The following RADIL variants were observed in gnomAD, a reference collection of about 807,000 sequenced individuals.
The protein encoded by RADIL is ras-associating and dilute domain-containing protein.
RADIL carries 99 observed loss-of-function variants against 97.6 expected under a neutral mutation model. The ratio of observed to expected loss-of-function variants is 1.01; its 90% CI spans 0.86 to 1.20. The LOEUF (loss-of-function observed/expected upper bound fraction) is 1.20, where lower values mean the gene tolerates loss of function less well. Among genes scored for constraint, RADIL ranks in the 50% most tolerant of loss-of-function variants. The pLI is 0.00. For synonymous variants in RADIL, 803 were observed against 691.8 expected (o/e 1.16, Z -2.52); for missense variants, 1,765 against 1,498.9 (o/e 1.18, Z -2.93).
At chr7:4,800,039 A>T (rs1782027378) in intron 13 of RADIL, 132 bp downstream of exon 13, 2 of 1,346,110 alleles carry the variant, frequency 1.5e-6, no homozygotes. Context: ...CCAGCTGCAG[A>T]GGCCAACCCC....
At position 4,799,407 on chromosome 7, in the gene RADIL, T is replaced by C. The variant is rs1238714573; in HGVS notation, c.3199A>G (p.Lys1067Glu). 4 of 1,613,574 alleles carry C rather than the reference T, an allele frequency of 2.5e-6. No individual in the cohort carries two copies. The African/African-American group carries it at 4.0e-5, about 16-fold the overall frequency. ...AGAGGGGGCGTGCGGAAATGGATCTTCTTGGCTGTTTCCACGTCGGACTTC... is the reference window on the plus strand; with the variant it reads ...AGAGGGGGCGTGCGGAAATGGATCTCCTTGGCTGTTTCCACGTCGGACTTC... ...VAKSDVETAK[K>E]IHFRTPPL Residue 1067 changes from lysine (K) to glutamate (E), a missense_variant, in exon 15 of 15, where the codon AAG becomes GAG. Transcript: ENST00000399583.
chr7:4,804,234 A>G (rs944944582), intron 10 of RADIL, among the ~76,000 whole-genome samples: 1 of 152,228 alleles, frequency 6.6e-6, no homozygotes, highest in African/African-American at 2.4e-5. Context: ...AGGCGGCGGA[A>G]GAGTGCGTGC....
rs187673549 is a variant in RADIL at position 4,877,110 on chromosome 7, T to G, written c.535+495A>C. Among the ~76,000 whole-genome samples, 18 of 152,334 alleles carry G rather than the reference T, an allele frequency of 1.2e-4. No homozygotes were observed. In the East Asian group the frequency reaches 3.3e-3, roughly 28 times the overall value. Reference sequence around the variant, plus strand: ...ATTGCAAGAATATATCAGGAGCCTCTGAGGAACACCAGCCAGCCTCCTGCT... The same window carrying G: ...ATTGCAAGAATATATCAGGAGCCTCGGAGGAACACCAGCCAGCCTCCTGCT... On this transcript the variant is annotated intron_variant, in intron 2 of 14. Coordinates refer to ENST00000399583, the MANE Select transcript of RADIL (RefSeq NM_018059.5).
intron 2 of RADIL, among the ~76,000 whole-genome samples, chr7:4,845,787 A>G (rs1783551945): frequency 1.3e-5 from 2 of 152,198 alleles, no homozygotes; most frequent in Admixed American, 1.3e-4. Context: ...CTGAAAACCT[A>G]ATTAAGATAA....
chr7:4,805,522 C>G, intron 10 of RADIL, 44 bp downstream of exon 10: 1 of 1,518,434 alleles, frequency 6.6e-7, no homozygotes, highest in South Asian at 1.3e-5. Flanking sequence ...GGGCGAGTCT[C>G]CCACTGAGTC....
In RADIL at chr7:4,800,257, A is replaced by C. The variant is rs372662114; in HGVS notation, c.2896T>G (p.Ser966Ala). The C allele has an allele frequency of 5.5e-5, 86 of 1,560,986 alleles. No individual in the cohort carries two copies. Among genetic ancestry groups the C allele is most frequent in the Non-Finnish European group, 7.0e-5 (81 of 1,156,736 alleles). ...ACGTAGCAGAAGTCCTCGGTGCTGG[A>C]GCTGCGGCTGGACGGGGCTGGAGGG... The part of the protein sequence containing the change: ...ESPPAPSSRS[S>A]STEDFCYVFT... Residue 966 changes from serine to alanine, a missense_variant, in exon 13 of 15, where the codon TCC becomes GCC. Ser to Ala is a moderately conservative substitution (Grantham distance 99). Coordinates refer to ENST00000399583, the MANE Select transcript of RADIL (RefSeq NM_018059.5).
Position 4,817,337 on chromosome 7 carries a change from G to T in RADIL, c.1630C>A (p.Leu544Met), listed in dbSNP as rs1444528339. Reference protein sequence around the residue: ...QLDITGSKESLFSCTLTASEE... With the variant: ...QLDITGSKESMFSCTLTASEE... ...CTGGCCGTCAGCGTGCAGGAGAACA[G>T]CGATTCCTTCGAGCCTGCCGGGAGA... The change falls in exon 7 of 15, where the codon CTG (leucine) becomes ATG (methionine). Residue 544 changes from leucine (L) to methionine (M), a missense_variant. By Grantham distance (15) the Leu-to-Met change is conservative. Coordinates refer to ENST00000399583, the MANE Select transcript of RADIL (RefSeq NM_018059.5). This position sits in a 1 kb window ranked among gnomAD's most constrained non-coding sequence, Gnocchi z 8.3. The T allele has an allele frequency of 1.2e-6, 2 of 1,612,042 alleles. No individual in the cohort carries two copies. The highest frequency in any genetic ancestry group is 8.5e-7 in the Non-Finnish European group (1 of 1,179,570).
rs764138123 is a variant in RADIL, at chr7:4,835,187, G to T, written c.836C>A (p.Thr279Asn). The part of the protein sequence containing the change: ...NRDRHTVGQR[T>N]PSSKPSISLS... ...GCTGATGCTGGGCTTGCTGGAGGGG[G>T]TCCGCTGGCCCACCGTGTGCCGGTC... is the stretch of plus-strand genomic sequence containing the variant. The change falls in exon 4 of 15, where the codon ACC becomes AAC. Residue 279 changes from threonine (T) to asparagine (N), a missense_variant. Transcript: ENST00000399583. This position sits in a 1 kb window ranked among gnomAD's most constrained non-coding sequence, Gnocchi z 5.8. 2.5e-6 allele frequency: 4 copies of T among 1,611,942 alleles called. No homozygotes were observed. The Admixed American group carries it at 5.0e-5, about 20-fold the overall frequency.
At chr7:4,812,068 T>C (rs2344724) in intron 9 of RADIL, among the ~76,000 whole-genome samples, 8,788 of 151,790 alleles carry the variant, frequency 0.058, 344 homozygotes, top group South Asian at 0.19. Flanking sequence ...TTTGTAGAGA[T>C]AGGGGTTCCA....
chr7:4,868,327 G>A (rs1784175337), intron 2 of RADIL, among the ~76,000 whole-genome samples: 2 of 152,224 alleles, frequency 1.3e-5, no homozygotes, highest in Admixed American at 1.3e-4. Context: ...CTCCCAAAGT[G>A]CCGGGATTAC....
chr7:4,832,974 C>A (rs1444548671), intron 4 of RADIL, among the ~76,000 whole-genome samples: 2 of 152,100 alleles, frequency 1.3e-5, no homozygotes, highest in African/African-American at 4.8e-5. Context: ...ACAGTGGGTG[C>A]AGGGGGAAGA....
At chr7:4,856,013 T>C (rs1583310697) in intron 2 of RADIL, among the ~76,000 whole-genome samples, 1 of 152,190 alleles carries the variant, frequency 6.6e-6, no homozygotes, top group South Asian at 2.1e-4. Flanking sequence ...TTCACCACAT[T>C]GGCCAGGCTG....
In RADIL at chr7:4,815,157, G is replaced by T; in HGVS notation, c.2139+121C>A. ...GCAACTTTTCTGATTACCTACGGTAGCTTTGAGGTTTCCAGCCAAGAAGCC... is the reference window on the plus strand; with the variant it reads ...GCAACTTTTCTGATTACCTACGGTATCTTTGAGGTTTCCAGCCAAGAAGCC... On this transcript the variant is annotated intron_variant, in intron 9 of 14. Coordinates refer to ENST00000399583, the MANE Select transcript of RADIL (RefSeq NM_018059.5). The surrounding 1 kb of genome is among the most constrained non-coding windows in gnomAD (Gnocchi z 8.0). The T allele has an allele frequency of 8.1e-7, 1 of 1,237,914 alleles. No homozygotes were observed. The highest frequency in any genetic ancestry group is 1.1e-6 in the Non-Finnish European group (1 of 920,404). The allele number at this position is 1,237,914 out of a possible 1,614,324, so 76.7% of individuals were successfully genotyped here.
chr7:4,856,989 A>G (rs945336132), intron 2 of RADIL, among the ~76,000 whole-genome samples: 2 of 152,228 alleles, frequency 1.3e-5, no homozygotes, highest in Admixed American at 6.5e-5. Context: ...CTTAATGCGA[A>G]AAGTCCACCA....
chr7:4,804,014 T>A lies in RADIL; in HGVS notation c.2291-260A>T, dbSNP rs945655743. 9.2e-6 allele frequency: 5 copies of A among 546,174 alleles called. No individual in the cohort carries two copies. The African/African-American group carries it at 9.4e-5, about 10-fold the overall frequency. 33.8% of individuals were successfully genotyped at this position (546,174 alleles called of 1,614,324 possible). A position where few individuals can be genotyped will look rare whatever the true frequency, so the allele number is the denominator to read the frequency against. On this transcript the variant is annotated intron_variant, in intron 10 of 14. Coordinates refer to ENST00000399583, the MANE Select transcript of RADIL (RefSeq NM_018059.5). ...AACAAGGCCTTGTAGCCAGGAACCCTCCAGCCCCACTGAGCCGCTCTGCAC... is the reference window on the plus strand; with the variant it reads ...AACAAGGCCTTGTAGCCAGGAACCCACCAGCCCCACTGAGCCGCTCTGCAC...
At chr7:4,859,813 T>C (rs955985816) in intron 2 of RADIL, 1 of 796,732 alleles carries the variant, frequency 1.3e-6, no homozygotes, top group Non-Finnish European at 2.0e-6. Flanking sequence ...GTTGTACTTG[T>C]CTTTGTATTG....
chr7:4,838,158 C>CCCGG, intron 2 of RADIL: 1 of 694,212 alleles, frequency 1.4e-6, no homozygotes. Flanking sequence ...GCCTGCAGAA[C>CCCGG]CCGGCCCAGC....
At position 4,834,104 on chromosome 7, in the gene RADIL, C is replaced by T. The variant is rs60769356; in HGVS notation, c.1416+503G>A. On this transcript the variant is annotated intron_variant, in intron 4 of 14. Coordinates refer to ENST00000399583, the MANE Select transcript of RADIL (RefSeq NM_018059.5). The surrounding 1 kb of genome is among the most constrained non-coding windows in gnomAD (Gnocchi z 6.0). ...AAGTTCGTCAACGCACAAAAGGTGA[C>T]GGGCCCTGCACCTCCAAACTCGGAT... Among the ~76,000 whole-genome samples the T allele has an allele frequency of 0.023, 3,528 of 152,246 alleles. 135 individuals are homozygous for T. The highest frequency in any genetic ancestry group is 0.081 in the African/African-American group (3,360 of 41,532).
chr7:4,809,550 G>T lies in RADIL; in HGVS notation c.2140-3834C>A, dbSNP rs1472176968. On this transcript the variant is annotated intron_variant, in intron 9 of 14. Transcript: ENST00000399583. ...CGGCTGCTCGGGAGCCCCCAGGCCC[G>T]CCCAGGCACCACGGCAGGTCCCGCC... 3.0e-6 allele frequency: 3 copies of T among 985,316 alleles called. No individual in the cohort carries two copies. The African/African-American group carries it at 5.2e-5, about 17-fold the overall frequency. The allele number at this position is 985,316 out of a possible 1,614,324, so 61.0% of individuals were successfully genotyped here.
Sources: allele counts gnomAD v4.1 joint callset (sites outside exome capture counted in the v4.1 genomes callset), GRCh38; gene constraint gnomAD v4.1.1; non-coding constraint Gnocchi (gnomAD v3.1); transcripts MANE v1.5; gene names NCBI Gene and HGNC (gene_info 2026-07-23, HGNC 2026-07-21).